C3orf20: variants seen among roughly 807,000 people sequenced by gnomAD.
The protein encoded by C3orf20 is family with sequence similarity 149 member C.
Under a neutral mutation model 88.3 loss-of-function variants are expected in C3orf20, and 76 were observed. That is an observed-to-expected ratio of 0.86 (90% CI 0.72 to 1.04). The LOEUF (loss-of-function observed/expected upper bound fraction) is 1.04. C3orf20 is among the 50% of genes least tolerant of loss of function. The pLI, the probability that C3orf20 is intolerant of heterozygous loss-of-function variation, is 0.00. For synonymous variants in C3orf20, 436 were observed against 437.4 expected (o/e 1.00, Z 0.04); for missense variants, 1,056 against 1,123.3 (o/e 0.94, Z 0.86).
At chr3:14,737,999 C>T (rs1047497182) in intron 12 of C3orf20, among the ~76,000 whole-genome samples, 1 of 152,108 alleles carries the variant, frequency 6.6e-6, no homozygotes, top group Admixed American at 6.5e-5. Flanking sequence ...ACATCTTCAG[C>T]CTCCACTTCT....
At chr3:14,710,622 A>C (rs1220455349) in intron 7 of C3orf20, among the ~76,000 whole-genome samples, 1 of 151,820 alleles carries the variant, frequency 6.6e-6, no homozygotes, top group African/African-American at 2.4e-5. Context: ...TGTGTTGTTA[A>C]TTTTCATGTA....
chr3:14,714,839 T>G (rs541691237), intron 8 of C3orf20, among the ~76,000 whole-genome samples: 3 of 152,318 alleles, frequency 2.0e-5, no homozygotes, highest in African/African-American at 7.2e-5. Flanking sequence ...ACTCCTGGCC[T>G]CAAACAATCC....
chr3:14,763,990 C>G (rs902753726), intron 15 of C3orf20, among the ~76,000 whole-genome samples: 5 of 152,176 alleles, frequency 3.3e-5, no homozygotes, highest in African/African-American at 1.2e-4. Flanking sequence ...GACACACATA[C>G]ATACACACAA....
intron 5 of C3orf20, among the ~76,000 whole-genome samples, chr3:14,694,616 T>C (rs1279697214): frequency 6.6e-6 from 1 of 152,170 alleles, no homozygotes; most frequent in Non-Finnish European, 1.5e-5. Context: ...CAAATTTGTT[T>C]TTAACTTTTT....
In C3orf20 at chr3:14,757,408, G is replaced by A; in HGVS notation, c.1978G>A (p.Ala660Thr). The A allele has an allele frequency of 6.2e-7, 1 of 1,611,916 alleles. No homozygotes were observed. Among genetic ancestry groups the A allele is most frequent in the Admixed American group, 1.7e-5 (1 of 60,020 alleles). ...CGAGGGGCGCAGCCCCACCAGGTGG[G>A]CGGCCTTGCCCTCAGACTGCCCGCT... ...AREGRSPTRWAALPSDCPLVL... is the reference protein window; with the variant it reads ...AREGRSPTRWTALPSDCPLVL... The change falls in exon 13 of 17, where the codon GCG becomes ACG. Residue 660 changes from alanine to threonine, a missense_variant. Ala to Thr is a moderately conservative substitution (Grantham distance 58, BLOSUM62 0). Transcript: ENST00000253697.
chr3:14,694,344 T>A (rs1252395259), intron 5 of C3orf20, among the ~76,000 whole-genome samples: 2 of 152,202 alleles, frequency 1.3e-5, no homozygotes, highest in Non-Finnish European at 2.9e-5. Context: ...GGAGACTTTT[T>A]ATTATAGTTT....
chr3:14,707,963 G>A (rs2033589288), intron 7 of C3orf20, among the ~76,000 whole-genome samples: 1 of 151,748 alleles, frequency 6.6e-6, no homozygotes, highest in East Asian at 1.9e-4. Context: ...GGGATTACAG[G>A]TATGCACCAC....
chr3:14,709,182 A>G (rs1160981625), intron 7 of C3orf20, among the ~76,000 whole-genome samples: 1 of 152,246 alleles, frequency 6.6e-6, no homozygotes, highest in Non-Finnish European at 1.5e-5. Context: ...TCTTGTGTTC[A>G]TGGGGACAAC....
intron 11 of C3orf20, among the ~76,000 whole-genome samples, chr3:14,727,423 C>T (rs1575131028): frequency 1.3e-5 from 2 of 152,182 alleles, no homozygotes; most frequent in Non-Finnish European, 2.9e-5. Context: ...CTCCTCCCTT[C>T]TTTTTGTGGA....
rs148561738 is a variant in C3orf20, at chr3:14,721,677, G to T, written c.1459G>T (p.Val487Leu). The change falls in exon 10 of 17, where the codon GTA becomes TTA. Residue 487 changes from valine to leucine, a missense_variant. By Grantham distance (32) the Val-to-Leu change is conservative. Coordinates refer to ENST00000253697, the MANE Select transcript of C3orf20 (RefSeq NM_032137.5). ...YKVNEEMKLK[V>L]LGQDSITVTF... Reference sequence around the variant, plus strand: ...GGTGAATGAGGAAATGAAACTAAAGGTACTGGGACAGGACTCCATCACAGT... The same window carrying T: ...GGTGAATGAGGAAATGAAACTAAAGTTACTGGGACAGGACTCCATCACAGT... The T allele has an allele frequency of 1.2e-6, 2 of 1,613,996 alleles. No individual in the cohort carries two copies. Among genetic ancestry groups the T allele is most frequent in the Non-Finnish European group, 1.7e-6 (2 of 1,180,014 alleles).
intron 10 of C3orf20, among the ~76,000 whole-genome samples, chr3:14,723,728 C>T (rs2034245758): frequency 6.6e-6 from 1 of 152,186 alleles, no homozygotes; most frequent in Non-Finnish European, 1.5e-5. Context: ...CTTATTGATC[C>T]ATCTACCCTG....
At chr3:14,687,590 T>C (rs6765155) in intron 4 of C3orf20, among the ~76,000 whole-genome samples, 101,585 of 152,076 alleles carry the variant, frequency 0.67, 34,047 homozygotes, top group Middle Eastern at 0.71. Context: ...CTAAGTAGTC[T>C]GTTGCACGTG....
At chr3:14,710,617 T>G (rs1319344855) in intron 7 of C3orf20, among the ~76,000 whole-genome samples, 1 of 152,232 alleles carries the variant, frequency 6.6e-6, no homozygotes, top group Non-Finnish European at 1.5e-5. Context: ...GTTTGTGTGT[T>G]GTTAATTTTC....
chr3:14,719,964 C>G (rs929866606), intron 9 of C3orf20, among the ~76,000 whole-genome samples: 3 of 152,178 alleles, frequency 2.0e-5, no homozygotes, highest in Non-Finnish European at 4.4e-5. Flanking sequence ...TATACTACAT[C>G]TCTCTAGAAG....
chr3:14,754,008 C>T (rs1335714109), intron 12 of C3orf20, among the ~76,000 whole-genome samples: 6 of 152,200 alleles, frequency 3.9e-5, no homozygotes, highest in Non-Finnish European at 5.9e-5. Flanking sequence ...TCAAAAAGTC[C>T]AGTGGTCAGC....
chr3:14,757,576 A>G lies in C3orf20; in HGVS notation c.2146A>G (p.Ile716Val), dbSNP rs1005182362. ...DPSQVLVFGI[I>V]SSQNYTSTGQ... ...CAGCCAAGTGCTGGTGTTTGGGATCATCTCAAGCCAGAACTACACCAGCAC... is the reference window on the plus strand; with the variant it reads ...CAGCCAAGTGCTGGTGTTTGGGATCGTCTCAAGCCAGAACTACACCAGCAC... The change falls in exon 13 of 17, where the codon ATC becomes GTC. Residue 716 changes from isoleucine (I) to valine (V), a missense_variant. Ile to Val is a conservative substitution (Grantham distance 29). Coordinates refer to ENST00000253697, the MANE Select transcript of C3orf20 (RefSeq NM_032137.5). The G allele has an allele frequency of 3.7e-6, 6 of 1,613,868 alleles. No individual in the cohort carries two copies. In the African/African-American group the frequency reaches 5.3e-5, roughly 14 times the overall value.
intron 12 of C3orf20, among the ~76,000 whole-genome samples, chr3:14,749,624 A>G (rs888134333): frequency 6.6e-5 from 10 of 151,952 alleles, no homozygotes; most frequent in African/African-American, 2.2e-4. Context: ...GACTTCTGCC[A>G]TCTTGCTGTT....
chr3:14,688,538 AAAAAAAAAG>A (rs2032556524), intron 4 of C3orf20, among the ~76,000 whole-genome samples: 1 of 151,178 alleles, frequency 6.6e-6, no homozygotes, highest in African/African-American at 2.4e-5. Flanking sequence ...TCAAAAAAAA[AAAAAAAAAG>A]AAAAAAAAGA....
In C3orf20 at chr3:14,772,761, C is replaced by T. The variant is rs754498021; in HGVS notation, c.2631-30C>T. The stretch of plus-strand genomic sequence containing the variant: ...TGGGCACTGTGAAGAACAGCCCTTC[C>T]GCCTCCCGGCCCTCTATTTTGATCT... On this transcript the variant is annotated intron_variant, in intron 16 of 16. Transcript: ENST00000253697. The surrounding 1 kb of genome is among the most constrained non-coding windows in gnomAD (Gnocchi z 4.2). 23 of 1,586,704 alleles carry T rather than the reference C, an allele frequency of 1.4e-5. No individual in the cohort carries two copies. Among genetic ancestry groups the T allele is most frequent in the Middle Eastern group, 1.7e-4 (1 of 5,820 alleles).
Sources: allele counts gnomAD v4.1 joint callset (sites outside exome capture counted in the v4.1 genomes callset), GRCh38; gene constraint gnomAD v4.1.1; non-coding constraint Gnocchi (gnomAD v3.1); transcripts MANE v1.5; gene names NCBI Gene and HGNC (gene_info 2026-07-23, HGNC 2026-07-21).